VWA8: variants seen among roughly 807,000 people sequenced by gnomAD.
VWA8 encodes the protein von Willebrand factor A domain containing 8.
A neutral mutation model predicts 241.5 loss-of-function variants in VWA8; 221 were observed. The ratio of observed to expected loss-of-function variants is 0.91; its 90% confidence interval spans 0.82 to 1.02. VWA8 has a LOEUF of 1.02. VWA8 is among the 50% of genes least tolerant of loss of function. The pLI is 0.00. For missense variants in VWA8, 2,322 were observed against 2,328.7 expected, an observed-to-expected ratio of 1.00 and a Z score of 0.06; for synonymous variants, 852 against 827.1, an observed-to-expected ratio of 1.03 and a Z score of -0.52.
At chr13:41,866,392 C>T (rs952555796) in intron 10 of VWA8, among the ~76,000 whole-genome samples, 15 of 148,956 alleles carry the variant, frequency 1.0e-4, no homozygotes, top group East Asian at 2.0e-4. Flanking sequence ...TGTGTGTGCG[C>T]GTGTGTGTGT....
At chr13:41,790,965 A>G (rs1384159876) in intron 17 of VWA8, among the ~76,000 whole-genome samples, 1 of 151,950 alleles carries the variant, frequency 6.6e-6, no homozygotes, top group Non-Finnish European at 1.5e-5. Context: ...TAATATTTAT[A>G]AACTCAATGT....
chr13:41,823,671 C>T (rs573609326), intron 14 of VWA8, among the ~76,000 whole-genome samples: 4 of 152,126 alleles, frequency 2.6e-5, no homozygotes, highest in Admixed American at 1.3e-4. Flanking sequence ...CTAACCACCA[C>T]GTCCACAGCA....
intron 37 of VWA8, among the ~76,000 whole-genome samples, chr13:41,619,532 A>G (rs1468629181): frequency 1.3e-5 from 2 of 152,206 alleles, no homozygotes; most frequent in African/African-American, 4.8e-5. Flanking sequence ...GAGAGAGGGC[A>G]TCCCTGTCTT....
intron 4 of VWA8, among the ~76,000 whole-genome samples, chr13:41,906,003 G>C (rs149668231): frequency 6.5e-4 from 99 of 152,098 alleles, no homozygotes; most frequent in African/African-American, 2.2e-3. Context: ...ATTTGTTTAT[G>C]TGCTCTGTCT....
chr13:41,594,396 C>T (rs540235382), intron 40 of VWA8, among the ~76,000 whole-genome samples: 72 of 152,202 alleles, frequency 4.7e-4, no homozygotes, highest in African/African-American at 1.7e-3. Flanking sequence ...TCCCAAAGTG[C>T]TGGGACTATG....
intron 37 of VWA8, among the ~76,000 whole-genome samples, chr13:41,633,951 T>C (rs1387029503): frequency 6.6e-6 from 1 of 152,204 alleles, no homozygotes; most frequent in African/African-American, 2.4e-5. Context: ...CTGCTTCCTG[T>C]GGCTCCCTCT....
rs1356227236 is a variant in VWA8, at chr13:41,886,821, T to G, written c.826A>C (p.Lys276Gln). The G allele has an allele frequency of 6.3e-7, 1 of 1,590,314 alleles. No homozygotes were observed. The highest frequency in any genetic ancestry group is 1.4e-5 in the African/African-American group (1 of 73,960). Residue 276 changes from lysine to glutamine, a missense_variant, in exon 7 of 45, where the codon AAG (lysine) becomes CAG (glutamine). Lys to Gln is a moderately conservative substitution (Grantham distance 53, BLOSUM62 1). Coordinates refer to ENST00000379310, the MANE Select transcript of VWA8 (RefSeq NM_015058.2). ...TTGGCTCCAATTGAATATAACAACT[T>G]AAGTTGGTCCTAAAGTAATACAGAA... is the stretch of plus-strand genomic sequence containing the variant. The part of the protein sequence containing the change: ...IYYLPFKDQL[K>Q]LLYSIGANVS...
chr13:41,687,296 T>C (rs923358943), intron 34 of VWA8, among the ~76,000 whole-genome samples: 1 of 152,182 alleles, frequency 6.6e-6, no homozygotes, highest in Non-Finnish European at 1.5e-5. Flanking sequence ...CTTGTTTTAT[T>C]TCTAATGAGA....
chr13:41,787,450 C>A lies in VWA8; in HGVS notation c.2157G>T (p.Leu719=), dbSNP rs1425553578. Residue 719 remains leucine, a synonymous_variant, in exon 18 of 45, where the codon CTG becomes CTT. Transcript: ENST00000379310. ...TCAAATACTTACATTTGTAATCCTT[C>A]AGTTCTGGCTCCAAATTGTCATCAG... The part of the protein sequence containing the change: ...INTDDNLEPE[L]KDYKCEVTSG... 3.1e-6 allele frequency: 5 copies of A among 1,610,356 alleles called. No individual in the cohort carries two copies. The African/African-American group carries it at 6.7e-5, about 22-fold the overall frequency.
At chr13:41,742,079 G>A (rs2045573217) in intron 21 of VWA8, among the ~76,000 whole-genome samples, 1 of 152,222 alleles carries the variant, frequency 6.6e-6, no homozygotes, top group African/African-American at 2.4e-5. Flanking sequence ...CTAGGATATA[G>A]TCACATGGAA....
At chr13:41,703,536 T>TAC in intron 26 of VWA8, 125 bp from the exon 27 acceptor site, 1 of 717,194 alleles carries the variant, frequency 1.4e-6, no homozygotes. Context: ...AAGTGAGTTA[T>TAC]ACATCATTTT....
At chr13:41,801,221 T>C (rs941121380) in intron 17 of VWA8, among the ~76,000 whole-genome samples, 3 of 152,042 alleles carry the variant, frequency 2.0e-5, no homozygotes, top group African/African-American at 7.2e-5. Flanking sequence ...GTCTGCAGAA[T>C]GCTTTGAAAG....
chr13:41,905,655 T>C (rs898206828), intron 4 of VWA8, among the ~76,000 whole-genome samples: 4 of 152,078 alleles, frequency 2.6e-5, no homozygotes, highest in Admixed American at 1.3e-4. Context: ...TTTTAGGACA[T>C]TGAACATTTT....
intron 4 of VWA8, among the ~76,000 whole-genome samples, chr13:41,900,741 T>G: frequency 6.6e-6 from 1 of 152,350 alleles, no homozygotes. Context: ...CTATTATTAA[T>G]GTAGTCATTA....
At chr13:41,665,641 G>A (rs1321586410) in intron 37 of VWA8, among the ~76,000 whole-genome samples, 2 of 151,898 alleles carry the variant, frequency 1.3e-5, no homozygotes, top group Admixed American at 6.6e-5. Context: ...CAGTTCTAGA[G>A]TCATTGACTG....
chr13:41,841,851 ATATATAT>A (rs1443331849), intron 12 of VWA8, among the ~76,000 whole-genome samples: 39 of 93,466 alleles, frequency 4.2e-4, no homozygotes, highest in Non-Finnish European at 6.0e-4. Context: ...ATATATATAT[ATATATAT>A]AAAAACAGTA....
rs558104914 is a variant in VWA8 at position 41,604,819 on chromosome 13, T to A, written c.4986+349A>T. On this transcript the variant is annotated intron_variant, in intron 40 of 44. Transcript: ENST00000379310. ...AGAGCACAATTTCTAATTTGAAATC[T>A]CCAAACAATAGTCATGCTTAGGAAA... 9.9e-5 allele frequency among the ~76,000 whole-genome samples: 15 copies of A among 152,268 alleles called. No individual in the cohort carries two copies. The South Asian group carries it at 3.1e-3, about 32-fold the overall frequency.
intron 8 of VWA8, among the ~76,000 whole-genome samples, chr13:41,885,542 C>G (rs1874480498): frequency 6.6e-6 from 1 of 152,214 alleles, no homozygotes; most frequent in Admixed American, 6.5e-5. Flanking sequence ...CCTGAGACAA[C>G]CATGACACAG....
At chr13:41,874,497 C>T (rs1313693103) in intron 9 of VWA8, among the ~76,000 whole-genome samples, 1 of 152,038 alleles carries the variant, frequency 6.6e-6, no homozygotes, top group Admixed American at 6.5e-5. Context: ...TCTCAGGATA[C>T]AAAATCAATG....
Sources: gnomAD v4.1 joint callset for allele counts (sites outside exome capture counted in the v4.1 genomes callset) on GRCh38, gnomAD v4.1.1 for gene constraint, MANE v1.5 for transcripts, NCBI Gene and HGNC (gene_info 2026-07-23, HGNC 2026-07-21) for gene names.